The following EPS8 variants were observed in gnomAD, a reference collection of about 807,000 sequenced individuals.
EPS8 encodes the protein epidermal growth factor receptor kinase substrate 8.
EPS8 carries 42 observed loss-of-function variants against 103.8 expected under a neutral mutation model. The ratio of observed to expected loss-of-function variants is 0.40; its 90% CI spans 0.32 to 0.52. The LOEUF (loss-of-function observed/expected upper bound fraction) is 0.52. EPS8 is among the 20% of genes least tolerant of loss of function. The pLI is 0.40. For synonymous variants in EPS8, 344 were observed against 344.6 expected (o/e 1.00, Z 0.02); for missense variants, 969 against 1,005.1 (o/e 0.96, Z 0.49).
intron 8 of EPS8, chr12:15,665,513 T>C (rs1162538117): frequency 4.7e-6 from 2 of 426,596 alleles, no homozygotes; most frequent in African/African-American, 4.2e-5. Context: ...GTATTTTTAA[T>C]AGAGACGGGG....
rs577063103 is a variant in EPS8, at chr12:15,684,703, G to A, written c.-21-1731C>T. 6.6e-6 allele frequency among the ~76,000 whole-genome samples: 1 copy of A among 152,248 alleles called. No individual in the cohort carries two copies. Among genetic ancestry groups the A allele is most frequent in the Admixed American group, 6.5e-5 (1 of 15,288 alleles). ...GCCATGAAGACTGTCATTACTTTCT[G>A]GAAGGGCTGGGACTTGACCTAGTTC... On this transcript the variant is annotated intron_variant, in intron 1 of 20. Coordinates refer to ENST00000281172, the MANE Select transcript of EPS8 (RefSeq NM_004447.6). This position sits in a 1 kb window ranked among gnomAD's most constrained non-coding sequence, Gnocchi z 4.9.
Position 15,704,178 on chromosome 12 carries a change from CA to C in EPS8, c.-21-21207del, listed in dbSNP as rs769098285. Among the ~76,000 whole-genome samples the C allele has an allele frequency of 1.2e-3, 190 of 152,018 alleles. No homozygotes were observed. The highest frequency in any genetic ancestry group is 2.1e-3 in the Non-Finnish European group (143 of 67,964). ...TGTGGAAAACAGTATGGCAGCTCCT[CA>C]AAAAAATCAAGCATAGAATTACTAT... is the stretch of plus-strand genomic sequence containing the variant. On this transcript the variant is annotated intron_variant, in intron 1 of 20. Transcript: ENST00000281172. This position sits in a 1 kb window ranked among gnomAD's most constrained non-coding sequence, Gnocchi z 4.6.
intron 10 of EPS8, among the ~76,000 whole-genome samples, chr12:15,659,089 T>A (rs904870502): frequency 6.6e-6 from 1 of 151,876 alleles, no homozygotes; most frequent in African/African-American, 2.4e-5. Flanking sequence ...AAAAACAGCA[T>A]AAGCAAAAAC....
intron 1 of EPS8, among the ~76,000 whole-genome samples, chr12:15,743,594 G>A (rs568829504): frequency 2.0e-5 from 3 of 152,190 alleles, no homozygotes; most frequent in African/African-American, 2.4e-5. Flanking sequence ...ATAGAGCCCT[G>A]AGAAATAATA....
At chr12:15,645,141 C>T (rs1239670152) in intron 15 of EPS8, among the ~76,000 whole-genome samples, 4 of 152,076 alleles carry the variant, frequency 2.6e-5, no homozygotes, top group African/African-American at 4.8e-5. Flanking sequence ...ATAAAATTCA[C>T]CACAGCCTTC....
At chr12:15,633,687 T>C (rs1410907967) in intron 17 of EPS8, among the ~76,000 whole-genome samples, 3 of 152,232 alleles carry the variant, frequency 2.0e-5, no homozygotes, top group African/African-American at 7.2e-5. Context: ...TATGAAAATG[T>C]ATGCCATAAA....
At chr12:15,753,185 T>G (rs1946951209) in intron 1 of EPS8, among the ~76,000 whole-genome samples, 1 of 152,160 alleles carries the variant, frequency 6.6e-6, no homozygotes, top group Non-Finnish European at 1.5e-5. Context: ...GAAACATTTA[T>G]GTGTCTCCGA....
chr12:15,758,447 G>A (rs1591924020), intron 1 of EPS8, among the ~76,000 whole-genome samples: 1 of 152,272 alleles, frequency 6.6e-6, no homozygotes, highest in African/African-American at 2.4e-5. Flanking sequence ...TTCCATGGTC[G>A]TGCTGTTCAA....
At position 15,721,573 on chromosome 12, in the gene EPS8, C is replaced by T. The variant is rs558090062; in HGVS notation, c.-21-38601G>A. Among the ~76,000 whole-genome samples the T allele has an allele frequency of 1.2e-3, 179 of 152,290 alleles. No homozygotes were observed. Among genetic ancestry groups the T allele is most frequent in the African/African-American group, 4.1e-3 (171 of 41,570 alleles). ...AGCTCTCCAGTTAGAAGGCACACTG[C>T]TCTACATCTCAGCCCATCAGTTTTC... On this transcript the variant is annotated intron_variant, in intron 1 of 20. Transcript: ENST00000281172. The surrounding 1 kb of genome is among the most constrained non-coding windows in gnomAD (Gnocchi z 4.4).
chr12:15,647,278 G>A lies in EPS8; in HGVS notation c.1435-18C>T. 2 of 1,604,524 alleles carry A rather than the reference G, an allele frequency of 1.2e-6. No individual in the cohort carries two copies. The highest frequency in any genetic ancestry group is 1.7e-6 in the Non-Finnish European group (2 of 1,175,244). On this transcript the variant is annotated intron_variant, in intron 14 of 20. Coordinates refer to ENST00000281172, the MANE Select transcript of EPS8 (RefSeq NM_004447.6). ...CTGGAATGCTGAAAGACAAAGTGGG[G>A]CAGATTAAAGAATCACCAAATACTA...
chr12:15,699,258 A>T (rs988209388), intron 1 of EPS8, among the ~76,000 whole-genome samples: 3 of 152,242 alleles, frequency 2.0e-5, no homozygotes, highest in South Asian at 2.1e-4. Flanking sequence ...CAGAGCTTTT[A>T]TTGTGGTATT....
chr12:15,718,944 T>C (rs1946563285), intron 1 of EPS8, among the ~76,000 whole-genome samples: 1 of 152,168 alleles, frequency 6.6e-6, no homozygotes, highest in Non-Finnish European at 1.5e-5. Context: ...TCTGAAATAC[T>C]GTCAGGAAAT....
chr12:15,738,819 T>G lies in EPS8; in HGVS notation c.-22+50342A>C, dbSNP rs188021629. On this transcript the variant is annotated intron_variant, in intron 1 of 20. Transcript: ENST00000281172. This position sits in a 1 kb window ranked among gnomAD's most constrained non-coding sequence, Gnocchi z 6.2. The stretch of plus-strand genomic sequence containing the variant: ...TTAATAAATGTTTGTTGAATCCACT[T>G]ACAAGCATACACCTTCACTCCAAGG... Among the ~76,000 whole-genome samples, 4 of 152,286 alleles carry G rather than the reference T, an allele frequency of 2.6e-5. No homozygotes were observed. The highest frequency in any genetic ancestry group is 9.6e-5 in the African/African-American group (4 of 41,562).
At position 15,641,598 on chromosome 12, in the gene EPS8, A is replaced by G. The variant is rs556203860; in HGVS notation, c.1677+124T>C. The G allele has an allele frequency of 5.3e-4, 247 of 469,886 alleles. 3 individuals carry two copies. The highest frequency in any genetic ancestry group is 4.4e-3 in the South Asian group (94 of 21,332). 29.1% of individuals were successfully genotyped at this position (469,886 alleles called of 1,614,324 possible). Reference sequence around the variant, plus strand: ...ATATACCCCTACTAAATAGATGTAGATATTTCTAATATACTACGTCTTTAG... The same window carrying G: ...ATATACCCCTACTAAATAGATGTAGGTATTTCTAATATACTACGTCTTTAG... On this transcript the variant is annotated intron_variant, in intron 16 of 20. Coordinates refer to ENST00000281172, the MANE Select transcript of EPS8 (RefSeq NM_004447.6).
intron 1 of EPS8, among the ~76,000 whole-genome samples, chr12:15,710,078 T>C (rs867517419): frequency 6.3e-5 from 5 of 79,288 alleles, no homozygotes; most frequent in African/African-American, 1.8e-4. Flanking sequence ...TACTGAACCA[T>C]GGCCCAGGGG....
intron 15 of EPS8, among the ~76,000 whole-genome samples, chr12:15,646,864 G>A (rs1203276884): frequency 6.6e-6 from 1 of 152,284 alleles, no homozygotes; most frequent in East Asian, 1.9e-4. Flanking sequence ...TCTTCTTAAT[G>A]TACACATTTT....
Position 15,787,980 on chromosome 12 carries a change from T to C in EPS8, c.-22+1181A>G, listed in dbSNP as rs1370138522. On this transcript the variant is annotated intron_variant, in intron 1 of 20. Coordinates refer to ENST00000281172, the MANE Select transcript of EPS8 (RefSeq NM_004447.6). This position sits in a 1 kb window ranked among gnomAD's most constrained non-coding sequence, Gnocchi z 4.9. ...AGACTCACTACCACATGACGTCCAT[T>C]ACTAGTGCTCACTTTCCAGAACCCA... The C allele has an allele frequency of 6.6e-6, 1 of 152,208 alleles. No individual in the cohort carries two copies. Among genetic ancestry groups the C allele is most frequent in the African/African-American group, 2.4e-5 (1 of 41,446 alleles). 9.4% of individuals were successfully genotyped at this position (152,208 alleles called of 1,614,324 possible).
chr12:15,626,489 C>T lies in EPS8; in HGVS notation c.2045-2082G>A, dbSNP rs1044556658. On this transcript the variant is annotated intron_variant, in intron 18 of 20. Coordinates refer to ENST00000281172, the MANE Select transcript of EPS8 (RefSeq NM_004447.6). The stretch of plus-strand genomic sequence containing the variant: ...ACTAAAAATACAAAAATTAGCTGGG[C>T]GTGGTGGCATGTGCCTGTGGCCCCA... 1.3e-5 allele frequency among the ~76,000 whole-genome samples: 2 copies of T among 151,836 alleles called. 1 individual carries two copies. Among genetic ancestry groups the T allele is most frequent in the African/African-American group, 4.8e-5 (2 of 41,318 alleles).
chr12:15,717,778 C>A lies in EPS8; in HGVS notation c.-21-34806G>T, dbSNP rs960267817. ...AAAATATTGATTTGAGAAAAATGAACCGCAAAATTATGTAACAGGGAATAT... is the reference window on the plus strand; with the variant it reads ...AAAATATTGATTTGAGAAAAATGAAACGCAAAATTATGTAACAGGGAATAT... On this transcript the variant is annotated intron_variant, in intron 1 of 20. Transcript: ENST00000281172. The surrounding 1 kb of genome is among the most constrained non-coding windows in gnomAD (Gnocchi z 4.3). Among the ~76,000 whole-genome samples the A allele has an allele frequency of 6.6e-6, 1 of 151,998 alleles. No individual in the cohort carries two copies. The highest frequency in any genetic ancestry group is 1.5e-5 in the Non-Finnish European group (1 of 68,002).
Sources: gnomAD v4.1 joint callset for allele counts (sites outside exome capture counted in the v4.1 genomes callset) on GRCh38, gnomAD v4.1.1 for gene constraint, Gnocchi (gnomAD v3.1) non-coding constraint, MANE v1.5 for transcripts, NCBI Gene and HGNC (gene_info 2026-07-23, HGNC 2026-07-21) for gene names.